The following RSRC1 variants were observed in gnomAD, a reference collection of about 807,000 sequenced individuals.
The protein encoded by RSRC1 is arginine and serine rich coiled-coil 1, also known as serine/Arginine-related protein 53.
In RSRC1, 39 loss-of-function variants were observed where a neutral mutation model predicts 49.1. The observed-to-expected ratio is 0.79, with a 90% CI of 0.61 to 1.04. The LOEUF is 1.04. RSRC1 is among the 50% of genes least tolerant of loss of function. The probability of loss-of-function intolerance (pLI) is 0.00; values close to 1 mark genes in which losing one functional copy is unlikely to be tolerated. For synonymous variants in RSRC1, 143 were observed against 130.8 expected, an observed-to-expected ratio of 1.09 and a Z score of -0.63; for missense variants, 388 against 402.4, an observed-to-expected ratio of 0.96 and a Z score of 0.31.
At chr3:158,285,371 A>G (rs1222998881) in intron 4 of RSRC1, among the ~76,000 whole-genome samples, 3 of 152,196 alleles carry the variant, frequency 2.0e-5, no homozygotes, top group Non-Finnish European at 4.4e-5. Context: ...TGACTTGGCA[A>G]TGCGGGCTCT....
intron 4 of RSRC1, among the ~76,000 whole-genome samples, chr3:158,259,701 G>C: frequency 6.6e-6 from 1 of 152,156 alleles, no homozygotes; most frequent in South Asian, 2.1e-4. Context: ...GTCCAGAGAT[G>C]CTGTCCATGA....
intron 4 of RSRC1, among the ~76,000 whole-genome samples, chr3:158,246,516 A>C (rs938008819): frequency 2.6e-5 from 4 of 151,920 alleles, no homozygotes; most frequent in Non-Finnish European, 5.9e-5. Context: ...GTTGCTGGTA[A>C]TAGTTTGTCC....
chr3:158,233,168 A>G (rs902589633), intron 4 of RSRC1, among the ~76,000 whole-genome samples: 11 of 152,220 alleles, frequency 7.2e-5, no homozygotes, highest in South Asian at 4.1e-4. Flanking sequence ...ACATTTTCCT[A>G]TTACTTCTTT....
At chr3:158,462,549 G>C (rs1737668049) in intron 7 of RSRC1, among the ~76,000 whole-genome samples, 1 of 151,870 alleles carries the variant, frequency 6.6e-6, no homozygotes, top group African/African-American at 2.4e-5. Context: ...ATGGCAGTGA[G>C]AGTAATCACA....
chr3:158,111,172 G>A (rs1030836103), intron 1 of RSRC1, among the ~76,000 whole-genome samples: 1 of 152,174 alleles, frequency 6.6e-6, no homozygotes, highest in Admixed American at 6.5e-5. Context: ...TTAAGATTTG[G>A]AGCAGGTGTG....
intron 4 of RSRC1, among the ~76,000 whole-genome samples, chr3:158,265,727 GC>G: frequency 6.6e-6 from 1 of 152,022 alleles, no homozygotes; most frequent in Non-Finnish European, 1.5e-5. Flanking sequence ...AATTTAAAAA[GC>G]TATTACTTTT....
chr3:158,134,035 T>A (rs1459838955), intron 3 of RSRC1, among the ~76,000 whole-genome samples: 2 of 152,152 alleles, frequency 1.3e-5, no homozygotes, highest in African/African-American at 2.4e-5. Context: ...GATACAAGCA[T>A]GCATGATATT....
chr3:158,172,080 A>G (rs1359054069), intron 3 of RSRC1, among the ~76,000 whole-genome samples: 1 of 152,180 alleles, frequency 6.6e-6, no homozygotes, highest in Non-Finnish European at 1.5e-5. Flanking sequence ...CAATAATAAA[A>G]TATCTTCTTA....
chr3:158,451,624 A>G (rs778330660), intron 6 of RSRC1, among the ~76,000 whole-genome samples: 19 of 152,118 alleles, frequency 1.2e-4, no homozygotes, highest in Admixed American at 3.9e-4. Flanking sequence ...TCCCCTTTCT[A>G]TCTTTGTTTA....
chr3:158,416,958 A>G (rs1486178265), intron 6 of RSRC1, among the ~76,000 whole-genome samples: 3 of 152,072 alleles, frequency 2.0e-5, no homozygotes, highest in African/African-American at 7.2e-5. Flanking sequence ...GAAGAATTTC[A>G]TCACTTCTCT....
intron 5 of RSRC1, among the ~76,000 whole-genome samples, chr3:158,318,692 C>G (rs1269968892): frequency 6.6e-6 from 1 of 152,192 alleles, no homozygotes; most frequent in African/African-American, 2.4e-5. Flanking sequence ...AAGTATTTCC[C>G]TATTTGTTAG....
intron 5 of RSRC1, among the ~76,000 whole-genome samples, chr3:158,305,937 G>C (rs1240640337): frequency 1.3e-5 from 2 of 151,882 alleles, no homozygotes; most frequent in East Asian, 3.9e-4. Context: ...ACTTTTTAAA[G>C]TATATCATTA....
intron 6 of RSRC1, among the ~76,000 whole-genome samples, chr3:158,423,034 C>T (rs1277699198): frequency 6.6e-6 from 1 of 152,126 alleles, no homozygotes; most frequent in East Asian, 1.9e-4. Context: ...GTTGCCTGTT[C>T]ACTCTGATGG....
intron 3 of RSRC1, among the ~76,000 whole-genome samples, chr3:158,127,402 G>C (rs4622858): frequency 6.6e-6 from 1 of 151,602 alleles, no homozygotes. Flanking sequence ...CAATAATTTT[G>C]AATTGACCTT....
chr3:158,199,923 G>A (rs1720931603), intron 3 of RSRC1, among the ~76,000 whole-genome samples: 1 of 152,236 alleles, frequency 6.6e-6, no homozygotes, highest in African/African-American at 2.4e-5. Flanking sequence ...TCATCATGAA[G>A]TATCCATTTT....
chr3:158,342,379 C>T (rs536397562), intron 5 of RSRC1, among the ~76,000 whole-genome samples: 7 of 152,254 alleles, frequency 4.6e-5, no homozygotes, highest in East Asian at 1.9e-4. Flanking sequence ...GTGCTATTCT[C>T]GTGATAGTGA....
At chr3:158,289,678 G>A (rs1726798042) in intron 4 of RSRC1, among the ~76,000 whole-genome samples, 4 of 152,162 alleles carry the variant, frequency 2.6e-5, no homozygotes, top group African/African-American at 7.2e-5. Context: ...CAAGAGAAAA[G>A]TGCTAAGAAT....
intron 5 of RSRC1, among the ~76,000 whole-genome samples, chr3:158,321,891 T>G (rs1728783003): frequency 6.6e-6 from 1 of 152,072 alleles, no homozygotes; most frequent in Non-Finnish European, 1.5e-5. Context: ...TTTATATATA[T>G]TATAAACTTA....
At chr3:158,263,924 CT>C (rs1328512925) in intron 4 of RSRC1, among the ~76,000 whole-genome samples, 2 of 152,114 alleles carry the variant, frequency 1.3e-5, no homozygotes, top group African/African-American at 2.4e-5. Context: ...GTTGTTACTG[CT>C]TTTTTCTCAT....
Sources: gnomAD v4.1 joint callset for allele counts (sites outside exome capture counted in the v4.1 genomes callset) on GRCh38, gnomAD v4.1.1 for gene constraint, MANE v1.5 for transcripts, NCBI Gene and HGNC (gene_info 2026-07-23, HGNC 2026-07-21) for gene names.